Variants in OSTF1 observed in about 807,000 individuals in gnomAD.
OSTF1 encodes the protein osteoclast-stimulating factor 1.
Under a neutral mutation model 37.2 loss-of-function variants are expected in OSTF1, and 27 were observed. The ratio of observed to expected loss-of-function variants is 0.73; its 90% CI spans 0.54 to 1.00. The LOEUF is 1.00. Among genes scored for constraint, OSTF1 ranks in the 50% least tolerant of loss-of-function variants. The pLI, the probability that OSTF1 is intolerant of heterozygous loss-of-function variation, is 0.00. For synonymous variants in OSTF1, 82 were observed against 89.2 expected, an observed-to-expected ratio of 0.92 and a Z score of 0.46; for missense variants, 232 against 253.8, an observed-to-expected ratio of 0.91 and a Z score of 0.58.
intron 1 of OSTF1, among the ~76,000 whole-genome samples, chr9:75,092,419 A>G (rs992397329): frequency 1.3e-5 from 2 of 152,222 alleles, no homozygotes; most frequent in Non-Finnish European, 1.5e-5. Flanking sequence ...GTTCCCAGGA[A>G]CAATAATCTA....
intron 7 of OSTF1, among the ~76,000 whole-genome samples, chr9:75,136,461 C>T (rs1336905077): frequency 2.0e-5 from 3 of 152,142 alleles, no homozygotes; most frequent in African/African-American, 7.2e-5. Flanking sequence ...GGCGCAATCT[C>T]AGCTCACTGC....
chr9:75,124,301 T>G (rs1368992282), intron 2 of OSTF1, among the ~76,000 whole-genome samples: 1 of 152,240 alleles, frequency 6.6e-6, no homozygotes, highest in African/African-American at 2.4e-5. Flanking sequence ...TCTTAGTTAT[T>G]TAAAAATGTA....
chr9:75,143,284 G>A (rs1825971825), intron 9 of OSTF1, among the ~76,000 whole-genome samples: 1 of 152,186 alleles, frequency 6.6e-6, no homozygotes. Flanking sequence ...TACTATGGAA[G>A]ATAACTAGGA....
chr9:75,125,754 A>G (rs1459243125), intron 2 of OSTF1, among the ~76,000 whole-genome samples: 1 of 152,248 alleles, frequency 6.6e-6, no homozygotes, highest in Non-Finnish European at 1.5e-5. Flanking sequence ...GCCTTCATTT[A>G]GATTCATGGA....
At chr9:75,099,862 A>G (rs1257660861) in intron 1 of OSTF1, among the ~76,000 whole-genome samples, 3 of 152,144 alleles carry the variant, frequency 2.0e-5, no homozygotes, top group Non-Finnish European at 4.4e-5. Context: ...TACCAGCATG[A>G]CCCACTATAT....
intron 7 of OSTF1, among the ~76,000 whole-genome samples, chr9:75,136,898 TG>T (rs1015801683): frequency 3.3e-5 from 5 of 152,246 alleles, no homozygotes; most frequent in Admixed American, 6.5e-5. Flanking sequence ...GTCTCCTGCC[TG>T]GGGGTATGTG....
chr9:75,140,735 A>T lies in OSTF1; in HGVS notation c.488-99A>T. The T allele has an allele frequency of 4.3e-6, 3 of 702,110 alleles. No homozygotes were observed. The East Asian group carries it at 8.1e-5, about 19-fold the overall frequency. 43.5% of individuals were successfully genotyped at this position (702,110 alleles called of 1,614,324 possible). On this transcript the variant is annotated intron_variant, in intron 8 of 9. Coordinates refer to ENST00000346234, the MANE Select transcript of OSTF1 (RefSeq NM_012383.5). ...TACTTCTGAGCCAGAGTTGTTCACT[A>T]GTTTATTTTGCCAAAAGTTGTTAGC...
rs1398920053 is a variant in OSTF1 at position 75,140,968 on chromosome 9, C to T, written c.586+36C>T. 3 of 1,397,024 alleles carry T rather than the reference C, an allele frequency of 2.1e-6. No homozygotes were observed. In the African/African-American group the frequency reaches 4.3e-5, roughly 20 times the overall value. 86.5% of individuals were successfully genotyped at this position (1,397,024 alleles called of 1,614,324 possible). On this transcript the variant is annotated intron_variant, in intron 9 of 9. Transcript: ENST00000346234. The stretch of plus-strand genomic sequence containing the variant: ...TAAATTCTTCTTTCTCCTCTGGTGC[C>T]CCATAACTAAGATTTATTAACTTAG...
At chr9:75,117,401 A>C (rs975374442) in intron 1 of OSTF1, 103 bp from the exon 2 acceptor site, 1 of 756,806 alleles carries the variant, frequency 1.3e-6, no homozygotes. Flanking sequence ...ACTTGATCAC[A>C]TGGGTTTTTA....
At chr9:75,102,992 A>T (rs930148119) in intron 1 of OSTF1, among the ~76,000 whole-genome samples, 6 of 152,224 alleles carry the variant, frequency 3.9e-5, no homozygotes, top group African/African-American at 1.4e-4. Context: ...TTGCTGATAA[A>T]TCAAACACAA....
rs751704219 is a variant in OSTF1 at position 75,113,765 on chromosome 9, TTAAC to T, written c.35-3738_35-3735del. On this transcript the variant is annotated intron_variant, in intron 1 of 9. Transcript: ENST00000346234. The stretch of plus-strand genomic sequence containing the variant: ...TTGTGGAATGACTAAATCAAGCTAA[TTAAC>T]ATGTGTTACCTTACATTATATTTTT... Among the ~76,000 whole-genome samples, 26 of 152,346 alleles carry T rather than the reference TTAAC, an allele frequency of 1.7e-4. 2 individuals carry two copies. Among genetic ancestry groups the T allele is most frequent in the Admixed American group, 1.5e-3 (23 of 15,298 alleles).
intron 5 of OSTF1, 114 bp from the exon 6 acceptor site, chr9:75,133,180 T>C: frequency 1.5e-6 from 1 of 646,444 alleles, no homozygotes; most frequent in Non-Finnish European, 2.8e-6. Flanking sequence ...AATTTAATAC[T>C]TGCTGATTAA....
chr9:75,091,536 A>G (rs1824975973), intron 1 of OSTF1, among the ~76,000 whole-genome samples: 1 of 152,172 alleles, frequency 6.6e-6, no homozygotes, highest in Non-Finnish European at 1.5e-5. Context: ...GGTTGACAGC[A>G]AGGAGAGTGG....
At chr9:75,138,864 T>C (rs1010145900) in intron 8 of OSTF1, among the ~76,000 whole-genome samples, 16 of 152,180 alleles carry the variant, frequency 1.1e-4, no homozygotes, top group African/African-American at 3.9e-4. Context: ...CTCAGGAGTT[T>C]TTGATCTGTA....
intron 8 of OSTF1, among the ~76,000 whole-genome samples, chr9:75,138,661 G>C (rs1825880463): frequency 6.6e-6 from 1 of 152,128 alleles, no homozygotes; most frequent in South Asian, 2.1e-4. Context: ...TGCAAATGTG[G>C]CTGTTAGAAA....
chr9:75,119,491 G>A (rs1437518113), intron 2 of OSTF1, among the ~76,000 whole-genome samples: 6 of 152,214 alleles, frequency 3.9e-5, no homozygotes, highest in African/African-American at 1.4e-4. Context: ...TACAGACTGG[G>A]TGATTTAACC....
intron 1 of OSTF1, among the ~76,000 whole-genome samples, chr9:75,090,370 G>C (rs1304903349): frequency 6.6e-6 from 1 of 151,678 alleles, no homozygotes; most frequent in East Asian, 1.9e-4. Flanking sequence ...CACACTTGGG[G>C]GTTTAAGGGT....
intron 7 of OSTF1, among the ~76,000 whole-genome samples, 177 bp from the exon 8 acceptor site, chr9:75,137,361 T>C (rs1825859025): frequency 6.6e-6 from 1 of 152,152 alleles, no homozygotes; most frequent in African/African-American, 2.4e-5. Context: ...CAAAAATGAC[T>C]CCTCTCCCAT....
At chr9:75,143,093 C>T (rs1045267958) in intron 9 of OSTF1, among the ~76,000 whole-genome samples, 12 of 152,048 alleles carry the variant, frequency 7.9e-5, no homozygotes, top group South Asian at 2.1e-4. Flanking sequence ...GCATGAGCCA[C>T]GATGCCCGGC....
Sources: gnomAD v4.1 joint callset for allele counts (sites outside exome capture counted in the v4.1 genomes callset) on GRCh38, gnomAD v4.1.1 for gene constraint, MANE v1.5 for transcripts, NCBI Gene and HGNC (gene_info 2026-07-23, HGNC 2026-07-21) for gene names.